RASEF: variants seen among roughly 807,000 people sequenced by gnomAD.
RASEF encodes the protein RAS and EF-hand domain containing, also known as ras and EF-hand domain-containing protein.
A neutral mutation model predicts 90.1 loss-of-function variants in RASEF; 68 were observed. That is an observed-to-expected ratio of 0.75 (90% CI 0.62 to 0.92). The LOEUF is 0.92. RASEF is among the 40% of genes least tolerant of loss of function. The pLI is 0.00. For missense variants in RASEF, 949 were observed against 937.2 expected, an observed-to-expected ratio of 1.01 and a Z score of -0.16; for synonymous variants, 331 against 345.2, an observed-to-expected ratio of 0.96 and a Z score of 0.46.
the RASEF span, among the ~76,000 whole-genome samples, chr9:83,192,090 C>T: frequency 5.3e-5 from 8 of 152,208 alleles, 1 homozygote; most frequent in African/African-American, 1.9e-4. Context: ...AAAGGGGATG[C>T]TTATACACTG....
chr9:83,090,596 G>A, the RASEF span, among the ~76,000 whole-genome samples: 1 of 152,002 alleles, frequency 6.6e-6, no homozygotes, highest in Non-Finnish European at 1.5e-5. Context: ...TAGAGATGGG[G>A]TTTCGCCATG....
At chr9:83,131,231 G>C in the RASEF span, among the ~76,000 whole-genome samples, 5 of 152,084 alleles carry the variant, frequency 3.3e-5, no homozygotes, top group Middle Eastern at 6.3e-3. Flanking sequence ...TTATAGAAAA[G>C]TTACAGGAAA....
the RASEF span, among the ~76,000 whole-genome samples, chr9:83,093,370 G>A: frequency 2.0e-5 from 3 of 152,202 alleles, no homozygotes; most frequent in East Asian, 1.9e-4. Flanking sequence ...GGGGAGGCTC[G>A]GGCAGCACAG....
At chr9:83,086,269 G>A in the RASEF span, among the ~76,000 whole-genome samples, 48 of 152,182 alleles carry the variant, frequency 3.2e-4, no homozygotes, top group South Asian at 1.0e-3. Flanking sequence ...AATAAAGATC[G>A]TAGATTCATT....
At chr9:83,124,841 C>A in the RASEF span, among the ~76,000 whole-genome samples, 1 of 152,220 alleles carries the variant, frequency 6.6e-6, no homozygotes, top group East Asian at 1.9e-4. Context: ...TGGCAGAGAT[C>A]CATGCTGAAC....
At chr9:83,196,994 T>C in the RASEF span, among the ~76,000 whole-genome samples, 2 of 152,232 alleles carry the variant, frequency 1.3e-5, no homozygotes, top group Non-Finnish European at 2.9e-5. Flanking sequence ...GCTCTTCTTC[T>C]GTACTGGTGG....
chr9:83,083,769 C>T, the RASEF span, among the ~76,000 whole-genome samples: 1 of 152,090 alleles, frequency 6.6e-6, no homozygotes, highest in African/African-American at 2.4e-5. Flanking sequence ...CACTTTCATA[C>T]ACTACTATTA....
At chr9:83,122,780 T>C in the RASEF span, among the ~76,000 whole-genome samples, 39 of 152,364 alleles carry the variant, frequency 2.6e-4, no homozygotes, top group African/African-American at 9.4e-4. Context: ...GTATTAATTT[T>C]ATAGCCTAAA....
chr9:83,201,519 A>T, the RASEF span, among the ~76,000 whole-genome samples: 44 of 152,226 alleles, frequency 2.9e-4, no homozygotes, highest in Non-Finnish European at 5.3e-4. Context: ...CAGAATTTTT[A>T]AAAAATATAA....
At chr9:83,203,934 A>G in the RASEF span, among the ~76,000 whole-genome samples, 2 of 152,174 alleles carry the variant, frequency 1.3e-5, no homozygotes, top group African/African-American at 4.8e-5. Flanking sequence ...GGCAGTGGCA[A>G]TTCACTGCAG....
At chr9:83,093,439 C>T in the RASEF span, among the ~76,000 whole-genome samples, 1 of 152,324 alleles carries the variant, frequency 6.6e-6, no homozygotes, top group African/African-American at 2.4e-5. Flanking sequence ...CAAGCCCTGC[C>T]CCGCGGGAAG....
the RASEF span, among the ~76,000 whole-genome samples, chr9:83,180,089 A>G: frequency 6.6e-6 from 1 of 152,176 alleles, no homozygotes; most frequent in Non-Finnish European, 1.5e-5. Flanking sequence ...ATGCCTGTTT[A>G]TATAACTTAA....
At chr9:83,031,767 A>T (rs1396562935) in intron 1 of RASEF, among the ~76,000 whole-genome samples, 1 of 152,240 alleles carries the variant, frequency 6.6e-6, no homozygotes, top group Non-Finnish European at 1.5e-5. Flanking sequence ...TGAAAGCATG[A>T]ATAAGATAAA....
chr9:83,079,307 G>A, the RASEF span, among the ~76,000 whole-genome samples: 1 of 152,258 alleles, frequency 6.6e-6, no homozygotes, highest in Non-Finnish European at 1.5e-5. Flanking sequence ...ATTGAATAGG[G>A]AGTCTTTTCC....
the RASEF span, among the ~76,000 whole-genome samples, chr9:83,195,880 T>C: frequency 2.6e-5 from 4 of 152,204 alleles, no homozygotes; most frequent in South Asian, 2.1e-4. Context: ...TTGTCAGGCA[T>C]GTTCAAAACA....
chr9:83,029,470 G>A (rs925628234), intron 1 of RASEF, among the ~76,000 whole-genome samples: 5 of 148,872 alleles, frequency 3.4e-5, no homozygotes, highest in Admixed American at 1.4e-4. Context: ...TTGGCTCACT[G>A]CAACCTCCGC....
Position 83,057,733 on chromosome 9 carries a change from A to C in RASEF, c.431+4704T>G, listed in dbSNP as rs541095666. Among the ~76,000 whole-genome samples the C allele has an allele frequency of 3.5e-3, 534 of 152,102 alleles. 6 individuals carry two copies. The highest frequency in any genetic ancestry group is 0.012 in the African/African-American group (515 of 41,522). ...CCCACCACCATGTTGCAAAGCTAGA[A>C]CACATCTTCTCTTCTTGGATGAGAA... On this transcript the variant is annotated intron_variant, in intron 1 of 16. Transcript: ENST00000376447.
the RASEF span, among the ~76,000 whole-genome samples, chr9:83,189,388 A>C: frequency 4.6e-5 from 7 of 152,208 alleles, no homozygotes; most frequent in Non-Finnish European, 1.0e-4. Flanking sequence ...TAAATTACCC[A>C]GTCTTGGGTA....
At chr9:83,110,330 G>A in the RASEF span, among the ~76,000 whole-genome samples, 3 of 152,096 alleles carry the variant, frequency 2.0e-5, no homozygotes, top group African/African-American at 7.2e-5. Flanking sequence ...TTGGCTTGAG[G>A]TCAAGCAGGC....
Sources: gnomAD v4.1 joint callset for allele counts (sites outside exome capture counted in the v4.1 genomes callset) on GRCh38, gnomAD v4.1.1 for gene constraint, MANE v1.5 for transcripts, NCBI Gene and HGNC (gene_info 2026-07-23, HGNC 2026-07-21) for gene names.